FBXL7: variants seen among roughly 807,000 people sequenced by gnomAD.
The protein encoded by FBXL7 is F-box/LRR-repeat protein 7.
Under a neutral mutation model 38.3 loss-of-function variants are expected in FBXL7, and 12 were observed. The ratio of observed to expected loss-of-function variants is 0.31; its 90% confidence interval spans 0.20 to 0.51. FBXL7 has a LOEUF of 0.51. FBXL7 is among the 20% of genes least tolerant of loss of function. The pLI, the probability that FBXL7 is intolerant of heterozygous loss-of-function variation, is 0.98. For synonymous variants in FBXL7, 297 were observed against 300.9 expected (o/e 0.99, Z 0.13); for missense variants, 567 against 676.4 (o/e 0.84, Z 1.79).
At chr5:15,881,729 A>C (rs976813621) in intron 2 of FBXL7, among the ~76,000 whole-genome samples, 2 of 152,214 alleles carry the variant, frequency 1.3e-5, no homozygotes, top group African/African-American at 4.8e-5. Context: ...AGAGCAGCCA[A>C]GAGCTAACAC....
chr5:15,501,466 G>T, intron 1 of FBXL7: 1 of 985,524 alleles, frequency 1.0e-6, no homozygotes, highest in South Asian at 4.7e-5. Flanking sequence ...ATCCCAATTA[G>T]CAGCTAGCCC....
chr5:15,680,605 T>A (rs1172367758), intron 2 of FBXL7, among the ~76,000 whole-genome samples: 1 of 152,126 alleles, frequency 6.6e-6, no homozygotes, highest in Non-Finnish European at 1.5e-5. Flanking sequence ...AGATGAGATG[T>A]CAGCCAGAAA....
intron 1 of FBXL7, among the ~76,000 whole-genome samples, chr5:15,567,817 G>A (rs545296354): frequency 2.5e-4 from 38 of 151,100 alleles, no homozygotes; most frequent in African/African-American, 8.3e-4. Context: ...TCATTGTTCA[G>A]TTCCCACCTA....
intron 2 of FBXL7, among the ~76,000 whole-genome samples, chr5:15,786,778 G>A (rs1737143201): frequency 6.6e-6 from 1 of 152,160 alleles, no homozygotes; most frequent in African/African-American, 2.4e-5. Context: ...ATGCAAAGAT[G>A]GGTGTAATGA....
chr5:15,750,222 T>A (rs1308242011), intron 2 of FBXL7, among the ~76,000 whole-genome samples: 4 of 152,230 alleles, frequency 2.6e-5, no homozygotes, highest in Non-Finnish European at 1.5e-5. Flanking sequence ...ATTTTTAAAG[T>A]TGATGATGTA....
chr5:15,724,534 T>G (rs1444287494), intron 2 of FBXL7, among the ~76,000 whole-genome samples: 1 of 152,186 alleles, frequency 6.6e-6, no homozygotes, highest in East Asian at 1.9e-4. Context: ...AACCATGAAT[T>G]CACTTTTTTT....
intron 2 of FBXL7, among the ~76,000 whole-genome samples, chr5:15,849,088 G>T (rs948124584): frequency 6.6e-6 from 1 of 152,184 alleles, no homozygotes; most frequent in African/African-American, 2.4e-5. Context: ...GGTCTGTGCA[G>T]GTGATTCCTC....
chr5:15,581,631 T>A (rs942015946), intron 1 of FBXL7, among the ~76,000 whole-genome samples: 1 of 152,192 alleles, frequency 6.6e-6, no homozygotes, highest in Admixed American at 6.5e-5. Context: ...AACACTTAAG[T>A]CCTACTCAGC....
intron 2 of FBXL7, among the ~76,000 whole-genome samples, chr5:15,633,102 C>T (rs1741054945): frequency 6.6e-6 from 1 of 152,058 alleles, no homozygotes; most frequent in African/African-American, 2.4e-5. Context: ...CTTACGTGAT[C>T]CCAATTGTGC....
At chr5:15,714,050 A>G (rs190118198) in intron 2 of FBXL7, among the ~76,000 whole-genome samples, 1 of 152,344 alleles carries the variant, frequency 6.6e-6, no homozygotes, top group East Asian at 1.9e-4. Context: ...TGATTATGTT[A>G]TGGACCTTGA....
At chr5:15,560,607 A>G (rs535902548) in intron 1 of FBXL7, among the ~76,000 whole-genome samples, 111 of 152,330 alleles carry the variant, frequency 7.3e-4, no homozygotes, top group African/African-American at 2.5e-3. Flanking sequence ...AAGCATGTTT[A>G]TTACACATGT....
intron 2 of FBXL7, among the ~76,000 whole-genome samples, chr5:15,625,742 A>G (rs1469400249): frequency 6.6e-6 from 1 of 152,176 alleles, no homozygotes; most frequent in Non-Finnish European, 1.5e-5. Context: ...CTTTAATTGG[A>G]AATATATGAA....
At chr5:15,521,662 C>T (rs1293496344) in intron 1 of FBXL7, among the ~76,000 whole-genome samples, 1 of 152,192 alleles carries the variant, frequency 6.6e-6, no homozygotes, top group African/African-American at 2.4e-5. Context: ...TATCATTTAA[C>T]TTAAAACTGT....
intron 2 of FBXL7, among the ~76,000 whole-genome samples, chr5:15,759,300 A>G (rs1000651013): frequency 6.6e-6 from 1 of 152,236 alleles, no homozygotes; most frequent in African/African-American, 2.4e-5. Flanking sequence ...CACAATTAAC[A>G]TGGAATCCAG....
intron 1 of FBXL7, among the ~76,000 whole-genome samples, chr5:15,578,490 G>C (rs540842985): frequency 6.6e-6 from 1 of 152,238 alleles, no homozygotes; most frequent in South Asian, 2.1e-4. Context: ...TGAAACTTCT[G>C]AATTTCCTTA....
chr5:15,920,537 T>C (rs958490785), intron 2 of FBXL7, among the ~76,000 whole-genome samples: 2 of 152,112 alleles, frequency 1.3e-5, no homozygotes, highest in African/African-American at 4.8e-5. Context: ...TTTTTTTGTT[T>C]TGAGACAGAG....
chr5:15,620,451 T>C (rs565036495), intron 2 of FBXL7, among the ~76,000 whole-genome samples: 2 of 150,774 alleles, frequency 1.3e-5, no homozygotes, highest in African/African-American at 4.9e-5. Flanking sequence ...GGTTTCACCA[T>C]GTTAGCCAAG....
intron 1 of FBXL7, among the ~76,000 whole-genome samples, chr5:15,519,634 G>C (rs1458442724): frequency 6.6e-6 from 1 of 152,104 alleles, no homozygotes; most frequent in Non-Finnish European, 1.5e-5. Flanking sequence ...TATTTTTTGT[G>C]AAGTTTTCCT....
At chr5:15,662,612 C>A (rs768131238) in intron 2 of FBXL7, among the ~76,000 whole-genome samples, 13 of 152,128 alleles carry the variant, frequency 8.5e-5, no homozygotes, top group African/African-American at 1.2e-4. Context: ...AGATTGTCTT[C>A]CAGGGTTTTT....
Sources: allele counts gnomAD v4.1 joint callset (sites outside exome capture counted in the v4.1 genomes callset), GRCh38; gene constraint gnomAD v4.1.1; transcripts MANE v1.5; gene names NCBI Gene and HGNC (gene_info 2026-07-23, HGNC 2026-07-21).